Variants in NTRK3 observed in about 807,000 individuals in gnomAD.
The protein encoded by NTRK3 is NT-3 growth factor receptor.
A neutral mutation model predicts 91.7 loss-of-function variants in NTRK3; 24 were observed. That is an observed-to-expected ratio of 0.26 (90% CI 0.19 to 0.37). The LOEUF (loss-of-function observed/expected upper bound fraction) is 0.37, where lower values mean the gene tolerates loss of function less well. Ranked by LOEUF, NTRK3 falls within the 10% of genes least tolerant of loss-of-function variation. The pLI is 1.00. For synonymous variants in NTRK3, 483 were observed against 404.0 expected, an observed-to-expected ratio of 1.20 and a Z score of -2.34; for missense variants, 880 against 1,068.9, an observed-to-expected ratio of 0.82 and a Z score of 2.46.
In NTRK3 at chr15:87,981,394, G is replaced by A. The variant is rs774082886; in HGVS notation, c.1586-40641C>T. On this transcript the variant is annotated intron_variant, in intron 14 of 18. Transcript: ENST00000394480. ...AGAGGCAGACATGGGGGAATTAATG[G>A]TCAGTATTAAACCCCAAGTGCAAAA... 5 of 1,613,720 alleles carry A rather than the reference G, an allele frequency of 3.1e-6. No individual in the cohort carries two copies. The African/African-American group carries it at 5.3e-5, about 17-fold the overall frequency.
At chr15:88,210,802 C>T (rs1315096463) in intron 3 of NTRK3, among the ~76,000 whole-genome samples, 3 of 152,106 alleles carry the variant, frequency 2.0e-5, no homozygotes, top group Non-Finnish European at 2.9e-5. Flanking sequence ...ATAACTTCTG[C>T]GTCAACTTCC....
chr15:88,136,525 G>A (rs780838684), exon 8 of NTRK3: 1 of 1,614,036 alleles, frequency 6.2e-7, no homozygotes, highest in Non-Finnish European at 8.5e-7. Flanking sequence ...AGGAAGGGGT[G>A]ATCCAGAGCC....
chr15:88,230,144 C>T (rs903218930), intron 3 of NTRK3, among the ~76,000 whole-genome samples: 5 of 152,214 alleles, frequency 3.3e-5, no homozygotes, highest in East Asian at 3.9e-4. Context: ...GGAATCATAA[C>T]ACCTACCTTG....
intron 14 of NTRK3, among the ~76,000 whole-genome samples, chr15:88,025,062 C>T (rs1408744501): frequency 1.3e-5 from 2 of 152,128 alleles, no homozygotes; most frequent in African/African-American, 2.4e-5. Flanking sequence ...CACACACACA[C>T]ACAACACATA....
chr15:88,239,431 C>T (rs985615750), intron 3 of NTRK3, among the ~76,000 whole-genome samples: 6 of 152,112 alleles, frequency 3.9e-5, no homozygotes, highest in South Asian at 4.1e-4. Flanking sequence ...GTTCTTGAGG[C>T]GCAGTCACAC....
chr15:88,193,620 G>T lies in NTRK3; in HGVS notation c.249-9321C>A, dbSNP rs141691949. Among the ~76,000 whole-genome samples, 646 of 152,258 alleles carry T rather than the reference G, an allele frequency of 4.2e-3. 3 individuals are homozygous for T. Among genetic ancestry groups the T allele is most frequent in the Non-Finnish European group, 4.4e-3 (299 of 68,032 alleles). ...GTTATGCAAATAGTGACCACTAGGC[G>T]AATAAATGAACGAATCCCCAAAGGG... On this transcript the variant is annotated intron_variant, in intron 3 of 18. Transcript: ENST00000394480.
chr15:88,033,446 G>C (rs751707045), intron 13 of NTRK3, among the ~76,000 whole-genome samples: 1 of 151,554 alleles, frequency 6.6e-6, no homozygotes, highest in South Asian at 2.1e-4. Flanking sequence ...GAGTAGCTGG[G>C]ATTACAGGTG....
At chr15:88,024,164 G>A (rs1241741056) in intron 14 of NTRK3, among the ~76,000 whole-genome samples, 1 of 152,204 alleles carries the variant, frequency 6.6e-6, no homozygotes, top group Non-Finnish European at 1.5e-5. Context: ...AATTGACCCA[G>A]AAGAAAAGGA....
exon 19 of NTRK3, chr15:87,864,902 T>A (rs1008446586): frequency 1.8e-5 from 4 of 223,550 alleles, no homozygotes; most frequent in Non-Finnish European, 3.6e-5. Flanking sequence ...TTTCACATCA[T>A]AATTTAAAAT....
At chr15:88,021,645 GA>G (rs1430313643) in intron 14 of NTRK3, among the ~76,000 whole-genome samples, 1 of 152,054 alleles carries the variant, frequency 6.6e-6, no homozygotes, top group Non-Finnish European at 1.5e-5. Context: ...GCAAAACAAT[GA>G]ATTAAAGGCA....
intron 14 of NTRK3, among the ~76,000 whole-genome samples, chr15:87,955,580 G>A (rs142244464): frequency 6.2e-4 from 95 of 152,344 alleles, no homozygotes; most frequent in Middle Eastern, 3.4e-3. Context: ...GGACTGCAGC[G>A]AGTTAGTAGC....
intron 17 of NTRK3, among the ~76,000 whole-genome samples, chr15:87,925,904 T>C (rs1468599434): frequency 6.6e-6 from 1 of 152,234 alleles, no homozygotes; most frequent in Non-Finnish European, 1.5e-5. Context: ...TTGTCTTGGC[T>C]TGGATGTGAG....
At position 88,133,819 on chromosome 15, in the gene NTRK3, C is replaced by A. The variant is rs575303289; in HGVS notation, c.1204+1282G>T. On this transcript the variant is annotated intron_variant, in intron 10 of 18. Transcript: ENST00000394480. ...TCAGACTACATGGGATTTCCAGGGC[C>A]TCAAACATCTGCACATTCTCAACTG... 2.3e-4 allele frequency among the ~76,000 whole-genome samples: 35 copies of A among 152,286 alleles called. 1 individual carries two copies. The South Asian group carries it at 7.0e-3, about 31-fold the overall frequency.
chr15:87,908,465 C>T (rs1005993672), intron 17 of NTRK3: 24 of 400,002 alleles, frequency 6.0e-5, no homozygotes, highest in African/African-American at 4.1e-4. Context: ...GCCCCCTGGC[C>T]CCAGAAATCA....
chr15:88,245,445 G>T (rs2052724931), intron 3 of NTRK3, among the ~76,000 whole-genome samples: 1 of 152,138 alleles, frequency 6.6e-6, no homozygotes. Context: ...TGAGTTTTTT[G>T]ACCAAAGAAG....
At chr15:88,024,331 G>A (rs955657481) in intron 14 of NTRK3, among the ~76,000 whole-genome samples, 3 of 152,180 alleles carry the variant, frequency 2.0e-5, no homozygotes, top group African/African-American at 7.2e-5. Flanking sequence ...GAAAGAGAGT[G>A]AGGCCAGGAA....
intron 10 of NTRK3, among the ~76,000 whole-genome samples, chr15:88,133,660 A>T (rs2151177689): frequency 6.6e-6 from 1 of 152,322 alleles, no homozygotes; most frequent in South Asian, 2.1e-4. Flanking sequence ...AGAGCAAAAT[A>T]TCTCTGCTCT....
chr15:88,025,039 G>C (rs1339906844), intron 14 of NTRK3, among the ~76,000 whole-genome samples: 1 of 152,078 alleles, frequency 6.6e-6, no homozygotes, highest in Non-Finnish European at 1.5e-5. Flanking sequence ...ACAATCACAC[G>C]TGTGTGGCCA....
At chr15:88,071,015 T>G (rs143505091) in intron 13 of NTRK3, among the ~76,000 whole-genome samples, 2 of 152,364 alleles carry the variant, frequency 1.3e-5, no homozygotes, top group East Asian at 1.9e-4. Flanking sequence ...GGGCCTGGAA[T>G]GATTTTTTTC....
Sources: gnomAD v4.1 joint callset for allele counts (sites outside exome capture counted in the v4.1 genomes callset) on GRCh38, gnomAD v4.1.1 for gene constraint, MANE v1.5 for transcripts, NCBI Gene and HGNC (gene_info 2026-07-23, HGNC 2026-07-21) for gene names.